The following SLC27A2 variants were observed in gnomAD, a reference collection of about 807,000 sequenced individuals.
SLC27A2 encodes solute carrier family 27 member 2.
Under a neutral mutation model 60.0 loss-of-function variants are expected in SLC27A2, and 54 were observed. The ratio of observed to expected loss-of-function variants is 0.90; its 90% CI spans 0.72 to 1.13. SLC27A2 has a LOEUF of 1.13. Among genes scored for constraint, SLC27A2 ranks in the 50% most tolerant of loss-of-function variants. The probability of loss-of-function intolerance (pLI) is 0.00; values close to 1 mark genes in which losing one functional copy is unlikely to be tolerated. For synonymous variants in SLC27A2, 297 were observed against 297.6 expected (o/e 1.00, Z 0.02); for missense variants, 739 against 777.6 (o/e 0.95, Z 0.59).
At chr15:50,227,217 C>T (rs753588979) in intron 7 of SLC27A2, 39 bp downstream of exon 7, 33 of 1,535,724 alleles carry the variant, frequency 2.1e-5, no homozygotes, top group Non-Finnish European at 2.6e-5. Flanking sequence ...AACAAACACA[C>T]GCACAGTTTG....
intron 7 of SLC27A2, among the ~76,000 whole-genome samples, chr15:50,227,489 A>G (rs1483430498): frequency 6.6e-6 from 1 of 152,216 alleles, no homozygotes; most frequent in African/African-American, 2.4e-5. Context: ...TAGGACAGCC[A>G]AGGATTTTCA....
chr15:50,207,912 T>G (rs1287123506), intron 4 of SLC27A2, among the ~76,000 whole-genome samples: 2 of 150,718 alleles, frequency 1.3e-5, no homozygotes, highest in Non-Finnish European at 1.5e-5. Context: ...AAGTACAGAT[T>G]GTATGGGATG....
At chr15:50,213,687 T>C (rs2045174126) in intron 4 of SLC27A2, among the ~76,000 whole-genome samples, 1 of 152,016 alleles carries the variant, frequency 6.6e-6, no homozygotes, top group Non-Finnish European at 1.5e-5. Flanking sequence ...ACAGGGAAAT[T>C]AAATAACCTG....
intron 4 of SLC27A2, among the ~76,000 whole-genome samples, chr15:50,216,775 A>T (rs1468480451): frequency 6.9e-6 from 1 of 145,526 alleles, no homozygotes; most frequent in Non-Finnish European, 1.5e-5. Context: ...TTCCATAAAA[A>T]TATATATATT....
At chr15:50,213,986 A>G (rs1313111931) in intron 4 of SLC27A2, among the ~76,000 whole-genome samples, 3 of 132,976 alleles carry the variant, frequency 2.3e-5, no homozygotes, top group Non-Finnish European at 3.3e-5. Context: ...TGAAATTGAA[A>G]CAAACAAACA....
intron 2 of SLC27A2, among the ~76,000 whole-genome samples, chr15:50,200,418 AAATAAT>A (rs35855605): frequency 3.3e-5 from 5 of 150,096 alleles, no homozygotes; most frequent in African/African-American, 7.4e-5. Context: ...CCTATCTCAA[AAATAAT>A]AATAATAATA....
chr15:50,185,195 C>T (rs1211958147), intron 1 of SLC27A2, among the ~76,000 whole-genome samples: 2 of 152,152 alleles, frequency 1.3e-5, no homozygotes, highest in Non-Finnish European at 2.9e-5. Flanking sequence ...CAACCAGATA[C>T]CCTCTTCCCA....
intron 4 of SLC27A2, among the ~76,000 whole-genome samples, chr15:50,217,825 G>GC (rs2045210461): frequency 1.3e-5 from 2 of 152,102 alleles, no homozygotes; most frequent in African/African-American, 4.8e-5. Flanking sequence ...GGAGGCTGAG[G>GC]TGGGCGGATC....
Position 50,182,340 on chromosome 15 carries a change from C to T in SLC27A2, c.-88C>T. ...CCGCGTGCGCCCCGGCGCAGCCCGCCAGTCCGCCCGGAGCCCGCCCAGTCG... is the reference window on the plus strand; with the variant it reads ...CCGCGTGCGCCCCGGCGCAGCCCGCTAGTCCGCCCGGAGCCCGCCCAGTCG... On this transcript the variant is annotated 5_prime_UTR_variant, in exon 1 of 10. Transcript: ENST00000267842. 7.3e-7 allele frequency: 1 copy of T among 1,363,010 alleles called. No homozygotes were observed. Among genetic ancestry groups the T allele is most frequent in the East Asian group, 3.0e-5 (1 of 33,054 alleles). The allele number at this position is 1,363,010 out of a possible 1,614,324, so 84.4% of individuals were successfully genotyped here. A position where few individuals can be genotyped will look rare whatever the true frequency, so the allele number is the denominator to read the frequency against.
chr15:50,206,627 C>T (rs1055066177), intron 4 of SLC27A2, among the ~76,000 whole-genome samples: 1 of 152,144 alleles, frequency 6.6e-6, no homozygotes, highest in Non-Finnish European at 1.5e-5. Context: ...TTTCATGGCA[C>T]CTGTCACTCC....
rs963062249 is a variant in SLC27A2, at chr15:50,182,216, G to A, written c.-212G>A. On this transcript the variant is annotated 5_prime_UTR_variant, in exon 1 of 10. Transcript: ENST00000267842. ...CGGCCAGTCCTGCCCGGAACCCCCG[G>A]CAACGCGCATACGACTACACCTGCT... 4 of 690,300 alleles carry A rather than the reference G, an allele frequency of 5.8e-6. No individual in the cohort carries two copies. The highest frequency in any genetic ancestry group is 5.6e-5 in the African/African-American group (3 of 53,230). 42.8% of individuals were successfully genotyped at this position (690,300 alleles called of 1,614,324 possible).
At chr15:50,200,958 T>C (rs1276854310) in intron 2 of SLC27A2, among the ~76,000 whole-genome samples, 1 of 152,182 alleles carries the variant, frequency 6.6e-6, no homozygotes, top group African/African-American at 2.4e-5. Flanking sequence ...CCCTTATAAC[T>C]GGCAATGTGG....
At chr15:50,196,074 AAAAATATATATATATATATATAT>A (rs1567428376) in intron 1 of SLC27A2, among the ~76,000 whole-genome samples, 3 of 16,308 alleles carry the variant, frequency 1.8e-4, no homozygotes, top group African/African-American at 6.3e-4. Context: ...AAAAAAAAAA[AAAAATATATATATATATATATAT>A]ATATATATAT....
chr15:50,193,231 C>A (rs1034264455), intron 1 of SLC27A2, among the ~76,000 whole-genome samples: 2 of 152,192 alleles, frequency 1.3e-5, no homozygotes, highest in African/African-American at 2.4e-5. Flanking sequence ...TCTAGGTCGT[C>A]TTTCTGCCCC....
chr15:50,208,963 A>G (rs1456116633), intron 4 of SLC27A2, among the ~76,000 whole-genome samples: 1 of 152,162 alleles, frequency 6.6e-6, no homozygotes, highest in Non-Finnish European at 1.5e-5. Flanking sequence ...GCTAAAGCTC[A>G]GTGTTTCTTT....
intron 5 of SLC27A2, among the ~76,000 whole-genome samples, chr15:50,223,436 T>G (rs1230288602): frequency 1.3e-5 from 2 of 152,252 alleles, no homozygotes; most frequent in East Asian, 3.8e-4. Flanking sequence ...TATACTTGCA[T>G]GTGATAAAAC....
intron 1 of SLC27A2, among the ~76,000 whole-genome samples, chr15:50,185,020 C>A (rs1289437307): frequency 6.6e-6 from 1 of 152,218 alleles, no homozygotes; most frequent in African/African-American, 2.4e-5. Flanking sequence ...AAATTATTAA[C>A]ACAGTGATCT....
rs77362870 is a variant in SLC27A2, at chr15:50,193,126, C to T, written c.479-4374C>T. ...GTTGGCTCTGGGCCTTTGCATAAGC[C>T]GTTCCACTGCCCAGACTCAGGCTTA... On this transcript the variant is annotated intron_variant, in intron 1 of 9. Transcript: ENST00000267842. 3.5e-3 allele frequency among the ~76,000 whole-genome samples: 526 copies of T among 152,262 alleles called. 1 individual carries two copies. Among genetic ancestry groups the T allele is most frequent in the African/African-American group, 0.012 (501 of 41,548 alleles).
intron 4 of SLC27A2, among the ~76,000 whole-genome samples, chr15:50,222,161 A>G (rs925211774): frequency 6.6e-6 from 1 of 152,184 alleles, no homozygotes; most frequent in Non-Finnish European, 1.5e-5. Context: ...CACCCAAAAC[A>G]GACTTTCCTT....
Sources: allele counts gnomAD v4.1 joint callset (sites outside exome capture counted in the v4.1 genomes callset), GRCh38; gene constraint gnomAD v4.1.1; transcripts MANE v1.5; gene names NCBI Gene and HGNC (gene_info 2026-07-23, HGNC 2026-07-21).